NKAIN3: variants seen among roughly 807,000 people sequenced by gnomAD.
The protein encoded by NKAIN3 is sodium/potassium transporting ATPase interacting 3.
A neutral mutation model predicts 30.2 loss-of-function variants in NKAIN3; 25 were observed. That is an observed-to-expected ratio of 0.83 (90% CI 0.60 to 1.16). NKAIN3 has a LOEUF of 1.16. NKAIN3 is among the 50% of genes most tolerant of loss of function. The probability of loss-of-function intolerance (pLI) is 0.00; values close to 1 mark genes in which losing one functional copy is unlikely to be tolerated. For missense variants in NKAIN3, 225 were observed against 254.1 expected, an observed-to-expected ratio of 0.89 and a Z score of 0.78; for synonymous variants, 91 against 89.6, an observed-to-expected ratio of 1.02 and a Z score of -0.09.
At chr8:62,274,549 T>C (rs1447645269) in intron 1 of NKAIN3, among the ~76,000 whole-genome samples, 1 of 152,220 alleles carries the variant, frequency 6.6e-6, no homozygotes, top group Non-Finnish European at 1.5e-5. Flanking sequence ...AATAAATTTC[T>C]AATACATTTT....
chr8:62,671,699 GC>G (rs1428397949), intron 3 of NKAIN3, among the ~76,000 whole-genome samples: 2 of 152,032 alleles, frequency 1.3e-5, no homozygotes, highest in African/African-American at 4.8e-5. Context: ...CAGGCTTCAG[GC>G]ATAGTTTGAT....
At chr8:62,543,189 G>T (rs1424908455) in intron 1 of NKAIN3, among the ~76,000 whole-genome samples, 1 of 152,162 alleles carries the variant, frequency 6.6e-6, no homozygotes, top group Non-Finnish European at 1.5e-5. Context: ...TCATCTGGTT[G>T]TCTGAGACTG....
At chr8:62,528,308 T>C (rs902425224) in intron 1 of NKAIN3, among the ~76,000 whole-genome samples, 6 of 76,754 alleles carry the variant, frequency 7.8e-5, no homozygotes, top group Non-Finnish European at 1.4e-4. Context: ...TATTATATTA[T>C]ATATATATAT....
chr8:62,254,729 G>A (rs1364815304), intron 1 of NKAIN3, among the ~76,000 whole-genome samples: 1 of 152,098 alleles, frequency 6.6e-6, no homozygotes, highest in East Asian at 1.9e-4. Context: ...GTCTGTGGAA[G>A]CAAAGTCAAC....
rs59470544 is a variant in NKAIN3 at position 62,993,190 on chromosome 8, G to A, written c.533-6041G>A. On this transcript the variant is annotated intron_variant, in intron 5 of 5. Coordinates refer to the NKAIN3 transcript ENST00000519049. ...TTCCTCAGGCCAGAACATAATCATA[G>A]TATCCCACCAGACAGCAAGGAAAGC... 4.3e-3 allele frequency among the ~76,000 whole-genome samples: 660 copies of A among 152,190 alleles called. 8 individuals are homozygous for A. The highest frequency in any genetic ancestry group is 0.015 in the African/African-American group (620 of 41,528).
chr8:62,544,990 T>C (rs1314301298), intron 1 of NKAIN3, among the ~76,000 whole-genome samples: 2 of 152,076 alleles, frequency 1.3e-5, no homozygotes, highest in Non-Finnish European at 2.9e-5. Context: ...TAAGTGGAAG[T>C]GAATCATCAT....
At chr8:62,454,321 A>AAAAAAAAAAAAAAAAAAAAAAAAAG (rs1162609709) in intron 1 of NKAIN3, among the ~76,000 whole-genome samples, 1 of 146,840 alleles carries the variant, frequency 6.8e-6, no homozygotes. Flanking sequence ...AAAAAAAAAA[A>AAAAAAAAAAAAAAAAAAAAAAAAAG]AATCTGAAAA....
At chr8:62,363,958 A>G (rs1256353515) in intron 1 of NKAIN3, among the ~76,000 whole-genome samples, 1 of 152,270 alleles carries the variant, frequency 6.6e-6, no homozygotes, top group Non-Finnish European at 1.5e-5. Flanking sequence ...GATGAGAAAT[A>G]ATTTCAAAAA....
At chr8:62,511,974 C>G (rs973124476) in intron 1 of NKAIN3, among the ~76,000 whole-genome samples, 11 of 152,144 alleles carry the variant, frequency 7.2e-5, no homozygotes, top group Non-Finnish European at 1.6e-4. Flanking sequence ...TCTAAATAGT[C>G]ATCTCTGTAA....
intron 3 of NKAIN3, among the ~76,000 whole-genome samples, chr8:62,616,952 G>C (rs942241439): frequency 5.9e-5 from 9 of 152,202 alleles, no homozygotes; most frequent in South Asian, 2.1e-4. Flanking sequence ...AAATGGTTTA[G>C]CACCATCACA....
At chr8:62,427,271 ACT>A (rs1804835881) in intron 1 of NKAIN3, among the ~76,000 whole-genome samples, 1 of 151,972 alleles carries the variant, frequency 6.6e-6, no homozygotes, top group South Asian at 2.1e-4. Context: ...AGACTCAAAA[ACT>A]GGAAGTATTC....
At chr8:62,430,246 A>T (rs145286338) in intron 1 of NKAIN3, among the ~76,000 whole-genome samples, 3 of 151,838 alleles carry the variant, frequency 2.0e-5, no homozygotes, top group Middle Eastern at 3.4e-3. Flanking sequence ...TTATACATTC[A>T]TCTATTGATG....
chr8:62,793,572 G>C (rs1215768677), intron 4 of NKAIN3, among the ~76,000 whole-genome samples: 1 of 152,098 alleles, frequency 6.6e-6, no homozygotes, highest in Non-Finnish European at 1.5e-5. Context: ...CTACCTATCA[G>C]TAGATCCATT....
chr8:62,986,814 C>A (rs181894835), downstream of NKAIN3, among the ~76,000 whole-genome samples: 64 of 152,136 alleles, frequency 4.2e-4, no homozygotes, highest in African/African-American at 1.5e-3. Flanking sequence ...GTTTTATCAC[C>A]CTGCTTAAAA....
intron 1 of NKAIN3, among the ~76,000 whole-genome samples, chr8:62,396,678 A>G (rs552283767): frequency 2.0e-5 from 3 of 152,296 alleles, no homozygotes; most frequent in South Asian, 2.1e-4. Context: ...TACCCTGTCT[A>G]TTCTGCTAAA....
At chr8:62,374,196 A>G (rs748116621) in intron 1 of NKAIN3, among the ~76,000 whole-genome samples, 1 of 152,088 alleles carries the variant, frequency 6.6e-6, no homozygotes, top group Non-Finnish European at 1.5e-5. Flanking sequence ...TTGACTTCAG[A>G]AAGACAACTA....
intron 4 of NKAIN3, among the ~76,000 whole-genome samples, chr8:62,755,552 T>G (rs1816424134): frequency 6.6e-6 from 1 of 152,150 alleles, no homozygotes; most frequent in Non-Finnish European, 1.5e-5. Flanking sequence ...TTTTCTCTTT[T>G]GCTTGCTAGC....
intron 3 of NKAIN3, among the ~76,000 whole-genome samples, chr8:62,702,937 G>A (rs1814388330): frequency 6.6e-6 from 1 of 152,004 alleles, no homozygotes. Flanking sequence ...AATAATAGAA[G>A]GATTAAAAAT....
At chr8:62,421,994 T>G (rs1194247070) in intron 1 of NKAIN3, among the ~76,000 whole-genome samples, 1 of 152,102 alleles carries the variant, frequency 6.6e-6, no homozygotes, top group African/African-American at 2.4e-5. Context: ...TGAACAGGAA[T>G]CTGCATTAAC....
Sources: allele counts gnomAD v4.1 joint callset (sites outside exome capture counted in the v4.1 genomes callset), GRCh38; gene constraint gnomAD v4.1.1; transcripts MANE v1.5; gene names NCBI Gene and HGNC (gene_info 2026-07-23, HGNC 2026-07-21).